The following PPARG variants were observed in gnomAD, a reference collection of about 807,000 sequenced individuals.
PPARG encodes the protein peroxisome proliferator-activated receptor gamma.
Under a neutral mutation model 39.2 loss-of-function variants are expected in PPARG, and 17 were observed. The ratio of observed to expected loss-of-function variants is 0.43; its 90% CI spans 0.30 to 0.65. The LOEUF is 0.65. Among genes scored for constraint, PPARG ranks in the 30% least tolerant of loss-of-function variants. The probability of loss-of-function intolerance (pLI) is 0.13; values close to 1 mark genes in which losing one functional copy is unlikely to be tolerated. For missense variants in PPARG, 406 were observed against 585.9 expected, an observed-to-expected ratio of 0.69 and a Z score of 3.17; for synonymous variants, 223 against 215.7, an observed-to-expected ratio of 1.03 and a Z score of -0.30.
chr3:12,313,056 C>G (rs2047292933), intron 2 of PPARG, among the ~76,000 whole-genome samples: 1 of 152,076 alleles, frequency 6.6e-6, no homozygotes, highest in African/African-American at 2.4e-5. Context: ...CTATAGGGTT[C>G]CAAGACAGTT....
intron 2 of PPARG, among the ~76,000 whole-genome samples, chr3:12,338,073 G>A (rs1362577341): frequency 1.3e-5 from 2 of 152,150 alleles, no homozygotes; most frequent in Non-Finnish European, 2.9e-5. Flanking sequence ...ACTTCCCCAT[G>A]CCAACTCTGT....
Position 12,416,773 on chromosome 3 carries a change from C to G in PPARG, c.799C>G (p.Pro267Ala). ...EDKIKFKHIT[P>A]LQEQSKEVAI... ...TAAAATCAAGTTCAAACACATCACC[C>G]CCCTGCAGGAGCAGAGCAAAGAGGT... is the stretch of plus-strand genomic sequence containing the variant. The change falls in exon 7 of 8, where the codon CCC (proline) becomes GCC (alanine). Residue 267 changes from proline to alanine, a missense_variant. Pro to Ala is a conservative substitution (Grantham distance 27, BLOSUM62 -1). Around this residue, in one of 2 missense-constraint regions of PPARG, gnomAD observed 275 missense variants for 458.0 expected, o/e 0.60. Coordinates refer to ENST00000651735, the MANE Select transcript of PPARG (RefSeq NM_138711.6). 6.2e-7 allele frequency: 1 copy of G among 1,614,066 alleles called. No individual in the cohort carries two copies. The highest frequency in any genetic ancestry group is 1.7e-5 in the Admixed American group (1 of 60,020).
At chr3:12,355,495 CTT>C (rs1256711550) in intron 2 of PPARG, among the ~76,000 whole-genome samples, 1 of 152,120 alleles carries the variant, frequency 6.6e-6, no homozygotes, top group Non-Finnish European at 1.5e-5. Flanking sequence ...GAATATTACT[CTT>C]GTCCATATTA....
chr3:12,415,451 C>G (rs1346313484), intron 6 of PPARG, among the ~76,000 whole-genome samples: 1 of 152,166 alleles, frequency 6.6e-6, no homozygotes, highest in Non-Finnish European at 1.5e-5. Context: ...ATGTGTCATT[C>G]AGTGTATCCA....
At chr3:12,418,930 T>G (rs1029517324) in intron 7 of PPARG, among the ~76,000 whole-genome samples, 6 of 152,126 alleles carry the variant, frequency 3.9e-5, no homozygotes, top group African/African-American at 1.4e-4. Flanking sequence ...TTTTTGTTGT[T>G]GTTGTTGTTT....
intron 2 of PPARG, among the ~76,000 whole-genome samples, chr3:12,329,129 A>C: frequency 6.6e-6 from 1 of 150,818 alleles, no homozygotes; most frequent in South Asian, 2.1e-4. Flanking sequence ...AAATTTGCAA[A>C]TTATGTTAAA....
chr3:12,311,703 G>A (rs2047249828), intron 1 of PPARG, among the ~76,000 whole-genome samples: 1 of 152,100 alleles, frequency 6.6e-6, no homozygotes, highest in Admixed American at 6.5e-5. Context: ...TGTCTTCATG[G>A]AAAATACAGC....
At position 12,360,737 on chromosome 3, in the gene PPARG, T is replaced by A. The variant is rs150850192; in HGVS notation, c.-8-18967T>A. ...GATTCTTTTGCTTAGCATTTATTCG[T>A]GAGATTAATCACACTATTGAATGTA... On this transcript the variant is annotated intron_variant, in intron 2 of 7. Transcript: ENST00000651735. Among the ~76,000 whole-genome samples the A allele has an allele frequency of 8.0e-3, 1,213 of 152,314 alleles. 17 individuals carry two copies. Among genetic ancestry groups the A allele is most frequent in the African/African-American group, 0.027 (1,133 of 41,568 alleles).
At chr3:12,296,616 A>G (rs6768587) in intron 1 of PPARG, among the ~76,000 whole-genome samples, 43,902 of 151,952 alleles carry the variant, frequency 0.29, 6,567 homozygotes, top group East Asian at 0.49. Context: ...ACCCCCATTG[A>G]CCTATCATTT....
At chr3:12,310,060 C>A (rs1324565215) in intron 1 of PPARG, among the ~76,000 whole-genome samples, 4 of 152,098 alleles carry the variant, frequency 2.6e-5, no homozygotes, top group Non-Finnish European at 5.9e-5. Flanking sequence ...TTGTCTCTGC[C>A]CTACTGTGTT....
chr3:12,325,115 C>T (rs532064174), intron 2 of PPARG, among the ~76,000 whole-genome samples: 45 of 152,028 alleles, frequency 3.0e-4, no homozygotes, highest in Non-Finnish European at 5.1e-4. Context: ...GGTGAGACCC[C>T]GTCTCTACTA....
At chr3:12,377,868 G>A (rs929379804) in intron 2 of PPARG, among the ~76,000 whole-genome samples, 10 of 152,128 alleles carry the variant, frequency 6.6e-5, no homozygotes, top group African/African-American at 1.4e-4. Context: ...ATTGCAAATC[G>A]TACATCTGAT....
At chr3:12,378,730 C>T (rs1312582147) in intron 2 of PPARG, among the ~76,000 whole-genome samples, 1 of 152,062 alleles carries the variant, frequency 6.6e-6, no homozygotes, top group Non-Finnish European at 1.5e-5. Context: ...GCTCTGGTCA[C>T]CTTCTAAGGT....
At chr3:12,355,865 A>G (rs2048643728) in intron 2 of PPARG, among the ~76,000 whole-genome samples, 1 of 152,224 alleles carries the variant, frequency 6.6e-6, no homozygotes, top group South Asian at 2.1e-4. Context: ...ATGAAAAACA[A>G]TTGTATACCT....
intron 2 of PPARG, among the ~76,000 whole-genome samples, chr3:12,334,453 A>C (rs976065494): frequency 1.3e-5 from 2 of 151,738 alleles, no homozygotes; most frequent in African/African-American, 4.8e-5. Flanking sequence ...CTGGTCTCGA[A>C]CTCCTGACCT....
At chr3:12,315,043 C>CTA (rs1191696777) in intron 2 of PPARG, among the ~76,000 whole-genome samples, 1 of 152,108 alleles carries the variant, frequency 6.6e-6, no homozygotes, top group African/African-American at 2.4e-5. Context: ...CCCCACAGTG[C>CTA]TATAGATCAT....
At chr3:12,369,021 GAT>G (rs916434496) in intron 2 of PPARG, among the ~76,000 whole-genome samples, 49 of 152,258 alleles carry the variant, frequency 3.2e-4, no homozygotes, top group African/African-American at 1.2e-3. Flanking sequence ...ATAATTAAAA[GAT>G]AGTGAATTTT....
intron 6 of PPARG, chr3:12,406,410 A>G (rs959244290): frequency 1.1e-5 from 4 of 366,010 alleles, no homozygotes; most frequent in African/African-American, 2.1e-5. Context: ...GCATCAAAAT[A>G]ACTGGCCACA....
intron 4 of PPARG, among the ~76,000 whole-genome samples, chr3:12,383,854 AAG>A (rs2125185523): frequency 1.3e-5 from 2 of 152,174 alleles, no homozygotes; most frequent in South Asian, 4.2e-4. Context: ...GCAAAAAGAG[AAG>A]AGAGAGGAGG....
Sources: gnomAD v4.1 joint callset for allele counts (sites outside exome capture counted in the v4.1 genomes callset) on GRCh38, gnomAD v4.1.1 for gene constraint, gnomAD v4.1.1 regional missense constraint, MANE v1.5 for transcripts, NCBI Gene and HGNC (gene_info 2026-07-23, HGNC 2026-07-21) for gene names.